Variants in SLC29A3 observed in about 807,000 individuals in gnomAD.
The protein encoded by SLC29A3 is solute carrier family 29 member 3, also known as equilibrative nucleoside transporter 3.
A neutral mutation model predicts 25.4 loss-of-function variants in SLC29A3; 18 were observed. That is an observed-to-expected ratio of 0.71 (90% CI 0.49 to 1.05). The LOEUF (loss-of-function observed/expected upper bound fraction) is 1.05. Ranked by LOEUF, SLC29A3 falls within the 50% of genes least tolerant of loss-of-function variation. The pLI, the probability that SLC29A3 is intolerant of heterozygous loss-of-function variation, is 0.00. For synonymous variants in SLC29A3, 258 were observed against 267.1 expected (o/e 0.97, Z 0.33); for missense variants, 586 against 609.0 (o/e 0.96, Z 0.40).
intron 5 of SLC29A3, among the ~76,000 whole-genome samples, chr10:71,356,889 A>G (rs1846927894): frequency 6.6e-6 from 1 of 152,142 alleles, no homozygotes. Flanking sequence ...GTACAGTACT[A>G]TTATTATTTT....
chr10:71,335,017 A>G (rs545656217), intron 2 of SLC29A3, among the ~76,000 whole-genome samples: 3 of 141,504 alleles, frequency 2.1e-5, no homozygotes, highest in Admixed American at 7.4e-5. Flanking sequence ...CCTAGAACAC[A>G]TTGAGCACAT....
At chr10:71,378,018 G>A (rs80172626) in intron 4 of SLC29A3, among the ~76,000 whole-genome samples, 2,031 of 143,482 alleles carry the variant, frequency 0.014, 17 homozygotes, top group Non-Finnish European at 0.022. Flanking sequence ...TTTCAGTTCA[G>A]CAAACCTAAA....
chr10:71,335,165 C>T (rs1846214778), intron 2 of SLC29A3, among the ~76,000 whole-genome samples: 1 of 152,100 alleles, frequency 6.6e-6, no homozygotes, highest in Non-Finnish European at 1.5e-5. Context: ...TCCCTCCACC[C>T]ATTTCTGCCA....
At chr10:71,356,313 G>A (rs1197202076) in intron 5 of SLC29A3, 70 bp downstream of exon 5, 31 of 1,577,088 alleles carry the variant, frequency 2.0e-5, no homozygotes, top group Non-Finnish European at 2.6e-5. Context: ...CTTTTTCTCA[G>A]CAGCTTCTAT....
intron 4 of SLC29A3, among the ~76,000 whole-genome samples, chr10:71,352,186 G>A (rs1248052413): frequency 6.6e-6 from 1 of 152,114 alleles, no homozygotes; most frequent in African/African-American, 2.4e-5. Context: ...ACTTCCTCAT[G>A]GCATGGTGTC....
At chr10:71,358,988 G>A (rs1218759696) in intron 5 of SLC29A3, among the ~76,000 whole-genome samples, 1 of 152,174 alleles carries the variant, frequency 6.6e-6, no homozygotes, top group Non-Finnish European at 1.5e-5. Flanking sequence ...ACGGCTCACG[G>A]CAGCCTTTAT....
rs148092033 is a variant in SLC29A3, at chr10:71,362,326, C to G, written c.1146C>G (p.Phe382Leu). ...PGPNSKALPG[F>L]VLLRTCLIPL... is the part of the protein sequence containing the mutation. Reference sequence around the variant, plus strand: ...CCAATAGCAAGGCGCTCCCAGGGTTCGTGCTCCTCCGGACCTGCCTCATCC... The same window carrying G: ...CCAATAGCAAGGCGCTCCCAGGGTTGGTGCTCCTCCGGACCTGCCTCATCC... The change falls in exon 6 of 6, where the codon TTC (phenylalanine) becomes TTG (leucine). Residue 382 changes from phenylalanine (F) to leucine (L), a missense_variant. By Grantham distance (22) the Phe-to-Leu change is conservative. Coordinates refer to ENST00000373189, the MANE Select transcript of SLC29A3 (RefSeq NM_018344.6). The G allele has an allele frequency of 1.9e-6, 3 of 1,614,052 alleles. No individual in the cohort carries two copies. Among genetic ancestry groups the G allele is most frequent in the Admixed American group, 3.3e-5 (2 of 60,000 alleles).
chr10:71,324,995 C>T (rs978284614), intron 2 of SLC29A3, among the ~76,000 whole-genome samples: 1 of 152,182 alleles, frequency 6.6e-6, no homozygotes, highest in African/African-American at 2.4e-5. Flanking sequence ...GGTGTCTGAT[C>T]TCACTTGAGA....
Position 71,344,531 on chromosome 10 carries a change from G to A in SLC29A3, c.383+240G>A, listed in dbSNP as rs529716984. On this transcript the variant is annotated intron_variant, in intron 3 of 5. Transcript: ENST00000373189. ...GTGACATCGCTGTGACATTGTGGCA[G>A]CAGCCAGTGGGAAGTGTGTGGGGAT... Among the ~76,000 whole-genome samples, 177 of 152,354 alleles carry A rather than the reference G, an allele frequency of 1.2e-3. 1 individual carries two copies. The highest frequency in any genetic ancestry group is 6.8e-3 in the Middle Eastern group (2 of 294).
intron 2 of SLC29A3, among the ~76,000 whole-genome samples, chr10:71,337,326 G>A (rs1024001827): frequency 6.6e-6 from 1 of 152,214 alleles, no homozygotes; most frequent in African/African-American, 2.4e-5. Flanking sequence ...GGAATGATCT[G>A]GGCTGATGCC....
At chr10:71,370,235 G>A (rs762091085) in intron 3 of SLC29A3, among the ~76,000 whole-genome samples, 1 of 152,200 alleles carries the variant, frequency 6.6e-6, no homozygotes, top group South Asian at 2.1e-4. Context: ...CCTCTCCAAC[G>A]TGCCAAGGAA....
chr10:71,378,590 C>T (rs1847278784), intron 4 of SLC29A3, among the ~76,000 whole-genome samples: 1 of 152,182 alleles, frequency 6.6e-6, no homozygotes, highest in Non-Finnish European at 1.5e-5. Flanking sequence ...CAAACTGTAC[C>T]ACTTGAGAAC....
chr10:71,322,681 G>T, intron 1 of SLC29A3, 75 bp from the exon 2 acceptor site: 1 of 1,566,960 alleles, frequency 6.4e-7, no homozygotes, highest in Admixed American at 1.7e-5. Context: ...TGTAGGCTGG[G>T]TGGGTCCCCA....
rs573104658 is a variant in SLC29A3, at chr10:71,356,858, C to T, written c.773+615C>T. On this transcript the variant is annotated intron_variant, in intron 5 of 5. Coordinates refer to ENST00000373189, the MANE Select transcript of SLC29A3 (RefSeq NM_018344.6). ...AACAAACAAACAAAAGACAAACTCA[C>T]ACTCCCCTGTTCCTCTTAGAGTACA... 1.1e-4 allele frequency among the ~76,000 whole-genome samples: 16 copies of T among 152,262 alleles called. No individual in the cohort carries two copies. The South Asian group carries it at 3.1e-3, about 30-fold the overall frequency.
At chr10:71,352,644 C>G (rs1026214134) in intron 4 of SLC29A3, 9 of 152,364 alleles carry the variant, frequency 5.9e-5, no homozygotes, top group African/African-American at 1.7e-4. Flanking sequence ...TGAATAAACT[C>G]TCACCCCCAG....
intron 4 of SLC29A3, among the ~76,000 whole-genome samples, chr10:71,355,542 C>A (rs540270993): frequency 2.9e-4 from 44 of 152,182 alleles, no homozygotes; most frequent in Non-Finnish European, 4.0e-4. Flanking sequence ...CATGGGTGGG[C>A]AATGGTGGGG....
intron 3 of SLC29A3, among the ~76,000 whole-genome samples, chr10:71,347,353 G>A (rs1370806549): frequency 6.6e-6 from 1 of 152,186 alleles, no homozygotes; most frequent in African/African-American, 2.4e-5. Flanking sequence ...GGTACTGGAG[G>A]CAGCCTCTCC....
intron 5 of SLC29A3, among the ~76,000 whole-genome samples, chr10:71,361,505 T>C (rs1847052990): frequency 6.6e-6 from 1 of 152,236 alleles, no homozygotes; most frequent in African/African-American, 2.4e-5. Context: ...AAATCAGAAG[T>C]GGGAAGAGGT....
At chr10:71,345,448 C>T (rs762143196) in intron 3 of SLC29A3, among the ~76,000 whole-genome samples, 2 of 152,180 alleles carry the variant, frequency 1.3e-5, no homozygotes, top group Non-Finnish European at 2.9e-5. Context: ...GGAGAGGCTG[C>T]GTGGTTTTTA....
Sources: gnomAD v4.1 joint callset for allele counts (sites outside exome capture counted in the v4.1 genomes callset) on GRCh38, gnomAD v4.1.1 for gene constraint, MANE v1.5 for transcripts, NCBI Gene and HGNC (gene_info 2026-07-23, HGNC 2026-07-21) for gene names.